ITPKC: variants seen among roughly 807,000 people sequenced by gnomAD.
ITPKC encodes the protein inositol-trisphosphate 3-kinase C, also known as IP3 3-kinase C.
A neutral mutation model predicts 67.1 loss-of-function variants in ITPKC; 33 were observed. The observed-to-expected ratio is 0.49, with a 90% CI of 0.37 to 0.66. The LOEUF is 0.66. Ranked by LOEUF, ITPKC falls within the 30% of genes least tolerant of loss-of-function variation. The probability of loss-of-function intolerance (pLI) is 0.00; values close to 1 mark genes in which losing one functional copy is unlikely to be tolerated. For missense variants in ITPKC, 820 were observed against 892.1 expected (o/e 0.92, Z 1.03); for synonymous variants, 341 against 359.8 (o/e 0.95, Z 0.59).
At chr19:40,734,662 G>A (rs2082286570) in intron 4 of ITPKC, among the ~76,000 whole-genome samples, 1 of 151,702 alleles carries the variant, frequency 6.6e-6, no homozygotes, top group Admixed American at 6.6e-5. Flanking sequence ...AGGCTAGAGT[G>A]CCATGGCACA....
chr19:40,738,286 G>A lies in ITPKC; in HGVS notation c.1848+517G>A, dbSNP rs568682325. Reference sequence around the variant, plus strand: ...TACTAAAAAATACAAAAAATTAGCCGGGCGTGGTGGCGGGCGCCTGTAGTC... The same window carrying A: ...TACTAAAAAATACAAAAAATTAGCCAGGCGTGGTGGCGGGCGCCTGTAGTC... On this transcript the variant is annotated intron_variant, in intron 6 of 6. Transcript: ENST00000263370. Among the ~76,000 whole-genome samples the A allele has an allele frequency of 7.2e-5, 11 of 152,208 alleles. No homozygotes were observed. The South Asian group carries it at 1.0e-3, about 14-fold the overall frequency.
intron 4 of ITPKC, among the ~76,000 whole-genome samples, chr19:40,736,119 G>A (rs1406936443): frequency 1.3e-5 from 2 of 152,018 alleles, no homozygotes; most frequent in Non-Finnish European, 2.9e-5. Flanking sequence ...GTGAAACCCC[G>A]TTGCTACTAA....
intron 4 of ITPKC, among the ~76,000 whole-genome samples, chr19:40,734,755 C>T (rs561644315): frequency 2.7e-5 from 4 of 150,684 alleles, no homozygotes; most frequent in South Asian, 2.1e-4. Context: ...ATTACTGGCA[C>T]GCACTACCAT....
intron 6 of ITPKC, among the ~76,000 whole-genome samples, chr19:40,739,081 G>A (rs2082309687): frequency 2.0e-5 from 3 of 152,114 alleles, no homozygotes; most frequent in South Asian, 4.1e-4. Context: ...TTTTTGGATC[G>A]CACTTGACTG....
chr19:40,725,656 C>T (rs7253804), intron 2 of ITPKC, among the ~76,000 whole-genome samples: 10 of 152,240 alleles, frequency 6.6e-5, no homozygotes, highest in South Asian at 4.1e-4. Context: ...GAGCTTCAGA[C>T]GGACCTGAGC....
chr19:40,739,559 G>A lies in ITPKC; in HGVS notation c.2051G>A (p.Ter684=). ...CTCCTGCAGGGGCTGGCACAGAGCT[G>A]AGCTGCTCAGCCACCATCAGGTTAA... ...ICLLQGLAQS[*] Residue 684 remains the stop codon, a stop_retained_variant, in exon 7 of 7, where the codon TGA becomes TAA. Transcript: ENST00000263370. 1.2e-6 allele frequency: 2 copies of A among 1,612,124 alleles called. No homozygotes were observed. The highest frequency in any genetic ancestry group is 3.3e-4 in the Middle Eastern group (2 of 6,056).
At chr19:40,720,658 T>C (rs1474876722) in intron 1 of ITPKC, among the ~76,000 whole-genome samples, 1 of 152,134 alleles carries the variant, frequency 6.6e-6, no homozygotes, top group Non-Finnish European at 1.5e-5. Context: ...AGTGCTGCGT[T>C]TGGAGCCTCC....
chr19:40,723,505 T>G (rs1210809686), intron 1 of ITPKC, among the ~76,000 whole-genome samples: 1 of 151,884 alleles, frequency 6.6e-6, no homozygotes, highest in Non-Finnish European at 1.5e-5. Flanking sequence ...GTTTTGTTTT[T>G]TTTTTGTTTT....
At chr19:40,727,804 C>T (rs2082253021) in intron 2 of ITPKC, among the ~76,000 whole-genome samples, 1 of 152,156 alleles carries the variant, frequency 6.6e-6, no homozygotes, top group Admixed American at 6.5e-5. Context: ...AATGGGAGAG[C>T]AATCTATTTT....
intron 4 of ITPKC, among the ~76,000 whole-genome samples, chr19:40,734,781 G>GTTT (rs34843018): frequency 0.032 from 3,650 of 114,770 alleles, 254 homozygotes; most frequent in African/African-American, 0.088. Context: ...GCTAATTGTT[G>GTTT]TTTTTTTTTT....
chr19:40,728,038 G>A (rs1247049471), intron 2 of ITPKC, among the ~76,000 whole-genome samples: 1 of 152,178 alleles, frequency 6.6e-6, no homozygotes, highest in African/African-American at 2.4e-5. Flanking sequence ...GCAGGATCAG[G>A]AATGGGTCTG....
At chr19:40,724,778 A>G (rs2082238187) in intron 1 of ITPKC, among the ~76,000 whole-genome samples, 1 of 151,884 alleles carries the variant, frequency 6.6e-6, no homozygotes, top group Admixed American at 6.6e-5. Context: ...GTGAAACCCC[A>G]TCTCTACTAA....
chr19:40,719,063 A>ACGTGGGGCTGGGAGC (rs907808951), intron 1 of ITPKC, among the ~76,000 whole-genome samples: 13 of 152,244 alleles, frequency 8.5e-5, no homozygotes, highest in South Asian at 2.1e-4. Context: ...GGAGAGCCTC[A>ACGTGGGGCTGGGAGC]CGTGGGGCTG....
At chr19:40,722,515 G>A (rs143550535) in intron 1 of ITPKC, among the ~76,000 whole-genome samples, 115 of 149,788 alleles carry the variant, frequency 7.7e-4, no homozygotes, top group African/African-American at 2.8e-3. Flanking sequence ...TGAGGTAGCT[G>A]GGCTCTGAGG....
At chr19:40,737,809 G>A (rs527997855) in intron 6 of ITPKC, 40 bp downstream of exon 6, 117 of 1,535,174 alleles carry the variant, frequency 7.6e-5, no homozygotes, top group Admixed American at 1.8e-4. Flanking sequence ...TATGGGTGTC[G>A]GGGTCCAGGT....
chr19:40,737,880 G>A, intron 6 of ITPKC, 111 bp downstream of exon 6: 2 of 905,266 alleles, frequency 2.2e-6, no homozygotes, highest in Non-Finnish European at 3.6e-6. Flanking sequence ...GCTGGGCGTT[G>A]TGGCCCGCAC....
chr19:40,723,511 G>A lies in ITPKC; in HGVS notation c.1156-1829G>A, dbSNP rs73047010. 4.8e-5 allele frequency among the ~76,000 whole-genome samples: 6 copies of A among 124,026 alleles called. No homozygotes were observed. The South Asian group carries it at 1.6e-3, about 33-fold the overall frequency. The allele number at this position is 124,026 out of a possible 152,430, so 81.4% of individuals were successfully genotyped here. ...CCTATATTTGTTTTGTTTTTTTTTT[G>A]TTTTTGAGACAGTCTTGCTCTGTCG... On this transcript the variant is annotated intron_variant, in intron 1 of 6. Transcript: ENST00000263370.
rs201151687 is a variant in ITPKC at position 40,734,775 on chromosome 19, A to ATTG, written c.1674+1417_1674+1419dup. On this transcript the variant is annotated intron_variant, in intron 4 of 6. Coordinates refer to ENST00000263370, the MANE Select transcript of ITPKC (RefSeq NM_025194.3). Reference sequence around the variant, plus strand: ...TGGCACGCACTACCATGCCTGGCTAATTGTTGTTTTTTTTTTTTTTTTTGA... The same window carrying ATTG: ...TGGCACGCACTACCATGCCTGGCTAATTGTTGTTGTTTTTTTTTTTTTTTTTGA... 9.1e-4 allele frequency among the ~76,000 whole-genome samples: 87 copies of ATTG among 96,088 alleles called. 3 individuals are homozygous for ATTG. Among genetic ancestry groups the ATTG allele is most frequent in the Admixed American group, 2.0e-3 (17 of 8,444 alleles). 63.0% of individuals were successfully genotyped at this position (96,088 alleles called of 152,430 possible).
rs768914968 is a variant in ITPKC, at chr19:40,739,457, C to T, written c.1949C>T (p.Thr650Met). Residue 650 changes from threonine to methionine, a missense_variant, in exon 7 of 7, where the codon ACG becomes ATG. Transcript: ENST00000263370. ...ACGGTGGCCTTGCCCGACCACCAGA[C>T]GCTCAGCCACAGGCTGCCCTGGGCT... ...GKTVALPDHQTLSHRLPWAEG... is the reference protein window; with the variant it reads ...GKTVALPDHQMLSHRLPWAEG... The T allele has an allele frequency of 6.2e-6, 10 of 1,613,452 alleles. No homozygotes were observed. Among genetic ancestry groups the T allele is most frequent in the East Asian group, 2.2e-5 (1 of 44,896 alleles).
Sources: allele counts gnomAD v4.1 joint callset (sites outside exome capture counted in the v4.1 genomes callset), GRCh38; gene constraint gnomAD v4.1.1; transcripts MANE v1.5; gene names NCBI Gene and HGNC (gene_info 2026-07-23, HGNC 2026-07-21).